The following PLXDC2 variants were observed in gnomAD, a reference collection of about 807,000 sequenced individuals.
PLXDC2 encodes plexin domain containing 2, also known as plexin domain-containing protein 2.
PLXDC2 carries 40 observed loss-of-function variants against 68.9 expected under a neutral mutation model. The ratio of observed to expected loss-of-function variants is 0.58; its 90% CI spans 0.45 to 0.76. The LOEUF (loss-of-function observed/expected upper bound fraction) is 0.76, where lower values mean the gene tolerates loss of function less well. PLXDC2 is among the 30% of genes least tolerant of loss of function. The probability of loss-of-function intolerance (pLI) is 0.00; values close to 1 mark genes in which losing one functional copy is unlikely to be tolerated. For synonymous variants in PLXDC2, 243 were observed against 234.2 expected (o/e 1.04, Z -0.34); for missense variants, 644 against 661.9 (o/e 0.97, Z 0.30).
At chr10:20,192,884 G>T (rs1041184940) in intron 9 of PLXDC2, among the ~76,000 whole-genome samples, 4 of 152,042 alleles carry the variant, frequency 2.6e-5, no homozygotes, top group Admixed American at 6.6e-5. Flanking sequence ...GTCTGAAATT[G>T]AACACAGAAT....
rs1341215580 is a variant in PLXDC2, at chr10:20,285,612, C to G, written c.*5793C>G. On this transcript the variant is annotated 3_prime_UTR_variant, in exon 14 of 14. Coordinates refer to ENST00000377252, the MANE Select transcript of PLXDC2 (RefSeq NM_032812.9). ...GAGAAAAAAAGTTACTCAAAATTCT[C>G]CCTGACCTAAGAATACTTTCTAGTT... is the stretch of plus-strand genomic sequence containing the variant. 1 of 152,180 alleles carries G rather than the reference C, an allele frequency of 6.6e-6. No individual in the cohort carries two copies. Among genetic ancestry groups the G allele is most frequent in the African/African-American group, 2.4e-5 (1 of 41,442 alleles). The allele number at this position is 152,180 out of a possible 1,614,324, so 9.4% of individuals were successfully genotyped here. A position where few individuals can be genotyped will look rare whatever the true frequency, so the allele number is the denominator to read the frequency against.
intron 2 of PLXDC2, among the ~76,000 whole-genome samples, chr10:20,012,573 A>G (rs973302168): frequency 3.3e-5 from 5 of 150,988 alleles, no homozygotes; most frequent in African/African-American, 1.2e-4. Context: ...TGATCCATCC[A>G]CCTTGGCCTC....
chr10:19,967,084 T>C (rs1416206656), intron 1 of PLXDC2, among the ~76,000 whole-genome samples: 1 of 152,232 alleles, frequency 6.6e-6, no homozygotes, highest in Non-Finnish European at 1.5e-5. Flanking sequence ...CAACCTTGTA[T>C]AAAATGTGAC....
intron 1 of PLXDC2, among the ~76,000 whole-genome samples, chr10:19,910,034 C>T (rs896920409): frequency 1.3e-5 from 2 of 152,092 alleles, no homozygotes; most frequent in Non-Finnish European, 2.9e-5. Flanking sequence ...TAATCTTTCA[C>T]ATACATTTTA....
intron 4 of PLXDC2, among the ~76,000 whole-genome samples, chr10:20,080,587 A>C (rs1403425953): frequency 1.3e-5 from 2 of 152,172 alleles, no homozygotes; most frequent in Admixed American, 1.3e-4. Context: ...TCAGCAAGTC[A>C]GCTTCTCCCA....
At chr10:20,118,761 G>C (rs10458681) in intron 4 of PLXDC2, among the ~76,000 whole-genome samples, 30,684 of 152,046 alleles carry the variant, frequency 0.2, 4,122 homozygotes, top group East Asian at 0.4. Flanking sequence ...CCAGGGACAG[G>C]ATTATACTAG....
intron 4 of PLXDC2, among the ~76,000 whole-genome samples, chr10:20,128,311 C>A (rs1833819611): frequency 6.6e-6 from 1 of 152,074 alleles, no homozygotes; most frequent in African/African-American, 2.4e-5. Flanking sequence ...TCTTTGTCCC[C>A]CATGTAGGAG....
At chr10:20,180,440 A>T (rs1365695447) in intron 9 of PLXDC2, among the ~76,000 whole-genome samples, 4 of 152,052 alleles carry the variant, frequency 2.6e-5, no homozygotes, top group Non-Finnish European at 5.9e-5. Context: ...TTAGACCTGT[A>T]ATCTTCGAAA....
intron 1 of PLXDC2, among the ~76,000 whole-genome samples, chr10:19,929,575 G>A (rs1833593360): frequency 6.6e-6 from 1 of 152,102 alleles, no homozygotes; most frequent in Non-Finnish European, 1.5e-5. Flanking sequence ...CTTTCCTTCT[G>A]ACTTGGAAGC....
chr10:19,843,334 A>G (rs748687923), intron 1 of PLXDC2, among the ~76,000 whole-genome samples: 2 of 152,194 alleles, frequency 1.3e-5, no homozygotes, highest in Non-Finnish European at 2.9e-5. Context: ...AATTTATCCA[A>G]TATCGATTTA....
intron 9 of PLXDC2, among the ~76,000 whole-genome samples, chr10:20,180,636 T>C (rs185797437): frequency 9.7e-4 from 147 of 152,210 alleles, no homozygotes; most frequent in Non-Finnish European, 1.9e-3. Context: ...TGGTAATTAC[T>C]GAACTCTCAA....
chr10:20,162,909 C>CAAAAAAAAAA (rs71390763), intron 6 of PLXDC2, among the ~76,000 whole-genome samples: 380 of 95,188 alleles, frequency 4.0e-3, no homozygotes, highest in Middle Eastern at 0.013. Flanking sequence ...ACTAAAAATA[C>CAAAAAAAAAA]AAAAAAAAAA....
At chr10:20,031,013 G>C (rs1227592635) in intron 2 of PLXDC2, among the ~76,000 whole-genome samples, 2 of 152,188 alleles carry the variant, frequency 1.3e-5, no homozygotes, top group African/African-American at 4.8e-5. Context: ...ACTGGGACCA[G>C]CCAGGCCCAG....
chr10:20,251,676 G>A (rs1835677483), intron 13 of PLXDC2, among the ~76,000 whole-genome samples: 2 of 152,088 alleles, frequency 1.3e-5, no homozygotes, highest in African/African-American at 4.8e-5. Context: ...ATTACAAAGT[G>A]ATAATCATAC....
chr10:20,199,792 T>C (rs1460397649), intron 9 of PLXDC2, among the ~76,000 whole-genome samples: 1 of 151,924 alleles, frequency 6.6e-6, no homozygotes, highest in Non-Finnish European at 1.5e-5. Flanking sequence ...TAAATGTGTG[T>C]GACTACTCAA....
At chr10:19,848,219 A>G (rs1374969576) in intron 1 of PLXDC2, among the ~76,000 whole-genome samples, 1 of 152,144 alleles carries the variant, frequency 6.6e-6, no homozygotes, top group Non-Finnish European at 1.5e-5. Flanking sequence ...GATGGCCGCT[A>G]TGAAAATGAG....
intron 1 of PLXDC2, among the ~76,000 whole-genome samples, chr10:19,860,457 A>C (rs774989852): frequency 6.6e-6 from 1 of 152,186 alleles, no homozygotes. Context: ...AGAACACTGA[A>C]CTAGACATCA....
intron 13 of PLXDC2, among the ~76,000 whole-genome samples, chr10:20,257,997 CTTTTTT>C (rs550997528): frequency 3.0e-4 from 25 of 84,328 alleles, no homozygotes; most frequent in African/African-American, 1.1e-3. Context: ...TTTTTTCTTT[CTTTTTT>C]TTTTTTTTTT....
At chr10:20,223,425 G>T (rs922493078) in intron 12 of PLXDC2, among the ~76,000 whole-genome samples, 8 of 149,354 alleles carry the variant, frequency 5.4e-5, no homozygotes, top group Admixed American at 4.8e-4. Flanking sequence ...CGATTCTCCT[G>T]CCTCAGCCTC....
Sources: gnomAD v4.1 joint callset for allele counts (sites outside exome capture counted in the v4.1 genomes callset) on GRCh38, gnomAD v4.1.1 for gene constraint, MANE v1.5 for transcripts, NCBI Gene and HGNC (gene_info 2026-07-23, HGNC 2026-07-21) for gene names.